PIK3R5: variants seen among roughly 807,000 people sequenced by gnomAD.
PIK3R5 encodes phosphoinositide-3-kinase regulatory subunit 5.
In PIK3R5, 32 loss-of-function variants were observed where a neutral mutation model predicts 94.9. The ratio of observed to expected loss-of-function variants is 0.34; its 90% CI spans 0.25 to 0.45. PIK3R5 has a LOEUF of 0.45. Ranked by LOEUF, PIK3R5 falls within the 20% of genes least tolerant of loss-of-function variation. The probability of loss-of-function intolerance (pLI) is 1.00; values close to 1 mark genes in which losing one functional copy is unlikely to be tolerated. For synonymous variants in PIK3R5, 443 were observed against 479.4 expected (o/e 0.92, Z 0.99); for missense variants, 853 against 1,144.6 (o/e 0.75, Z 3.68).
At position 8,886,305 on chromosome 17, in the gene PIK3R5, C is replaced by T; in HGVS notation, c.2052G>A (p.Gly684=). ...GGATGAAGATCTCTGTCGTCTTCTC[C>T]CCAGTGATGAAGGTCAGCTGGAGAG... ...VYQTELTFIT[G]EKTTEIFIHS... Residue 684 remains glycine (G), a synonymous_variant, in exon 14 of 19, where the codon GGG becomes GGA. Coordinates refer to ENST00000447110, the MANE Select transcript of PIK3R5 (RefSeq NM_001142633.3). 6.2e-7 allele frequency: 1 copy of T among 1,613,540 alleles called. No homozygotes were observed.
intron 5 of PIK3R5, among the ~76,000 whole-genome samples, chr17:8,898,608 T>C (rs2090206941): frequency 6.6e-6 from 1 of 152,184 alleles, no homozygotes; most frequent in South Asian, 2.1e-4. Flanking sequence ...GGAATAATAG[T>C]AACTACCCAG....
intron 1 of PIK3R5, among the ~76,000 whole-genome samples, chr17:8,956,927 G>A (rs565180064): frequency 1.2e-4 from 18 of 152,326 alleles, no homozygotes; most frequent in African/African-American, 4.3e-4. Context: ...TCCCAGCAGA[G>A]GATGTGGGCG....
In PIK3R5 at chr17:8,880,683, G is replaced by A; in HGVS notation, c.2599C>T (p.Leu867Phe). Residue 867 changes from leucine to phenylalanine, a missense_variant, in exon 19 of 19, where the codon CTT (leucine) becomes TTT (phenylalanine). By Grantham distance (22) the Leu-to-Phe change is conservative (BLOSUM62 0). Transcript: ENST00000447110. ...PAQAAPDLCS[L>F]LCLPIMTFSG... ...AAAGTCATGATGGGCAGGCAGAGAA[G>A]GGAGCAGAGATCAGGTGCGGCCTGG... 1 of 1,613,678 alleles carries A rather than the reference G, an allele frequency of 6.2e-7. No individual in the cohort carries two copies.
At chr17:8,944,758 A>G (rs1412725235) in intron 1 of PIK3R5, among the ~76,000 whole-genome samples, 1 of 152,148 alleles carries the variant, frequency 6.6e-6, no homozygotes, top group Non-Finnish European at 1.5e-5. Flanking sequence ...GGAGCTGGAG[A>G]GTTCCTCAGC....
chr17:8,904,802 G>A lies in PIK3R5; in HGVS notation c.387C>T (p.Phe129=). The change falls in exon 5 of 19, where the codon TTC becomes TTT. Residue 129 remains phenylalanine, a synonymous_variant. Transcript: ENST00000447110. This position sits in a 1 kb window ranked among gnomAD's most constrained non-coding sequence, Gnocchi z 5.1. ...CTGGGGCCTTGAGTTCAGCATCAAT[G>A]AAGGTGAGCAGCTCCTGGCAGATGC... The part of the protein sequence containing the change: ...YCSICQELLT[F]IDAELKAPGI... 6.2e-7 allele frequency: 1 copy of A among 1,614,202 alleles called. No individual in the cohort carries two copies.
At chr17:8,933,296 C>T (rs1433787078) in intron 1 of PIK3R5, among the ~76,000 whole-genome samples, 1 of 151,874 alleles carries the variant, frequency 6.6e-6, no homozygotes, top group African/African-American at 2.4e-5. Flanking sequence ...GTAAATTTTT[C>T]ATGAAAAGAA....
At chr17:8,934,297 G>A (rs181566171) in intron 1 of PIK3R5, among the ~76,000 whole-genome samples, 1 of 152,308 alleles carries the variant, frequency 6.6e-6, no homozygotes, top group African/African-American at 2.4e-5. Context: ...CAATTTGAAA[G>A]TGAAGTTTTT....
chr17:8,925,763 G>T lies in PIK3R5; in HGVS notation c.-13-14256C>A, dbSNP rs1363141835. ...TACATTTTGGTCCCCAAGTGGGTGT[G>T]CACTTTTTCCTTGGATGCTTCATCC... is the stretch of plus-strand genomic sequence containing the variant. On this transcript the variant is annotated intron_variant, in intron 1 of 18. Coordinates refer to ENST00000447110, the MANE Select transcript of PIK3R5 (RefSeq NM_001142633.3). This position sits in a 1 kb window ranked among gnomAD's most constrained non-coding sequence, Gnocchi z 5.1. Among the ~76,000 whole-genome samples, 1 of 152,268 alleles carries T rather than the reference G, an allele frequency of 6.6e-6. No individual in the cohort carries two copies. The highest frequency in any genetic ancestry group is 1.5e-5 in the Non-Finnish European group (1 of 68,040).
At chr17:8,948,021 C>A (rs1393138585) in intron 1 of PIK3R5, among the ~76,000 whole-genome samples, 32 of 118,040 alleles carry the variant, frequency 2.7e-4, no homozygotes, top group Non-Finnish European at 5.2e-4. Context: ...CCAGCCTGGG[C>A]GACAGAGCGA....
At chr17:8,908,610 C>T (rs960354159) in intron 3 of PIK3R5, among the ~76,000 whole-genome samples, 10 of 150,462 alleles carry the variant, frequency 6.6e-5, no homozygotes, top group Admixed American at 2.0e-4. Flanking sequence ...GAGCCCAAAT[C>T]CTCTTTTGGG....
In PIK3R5 at chr17:8,889,119, C is replaced by T. The variant is rs1183588128; in HGVS notation, c.895+20G>A. ...CAGGCAGTGTGGGGCATGGGTGTCA[C>T]CAGGGCCCCGGCTCCTTACCAAAGC... On this transcript the variant is annotated intron_variant, in intron 9 of 18. Coordinates refer to ENST00000447110, the MANE Select transcript of PIK3R5 (RefSeq NM_001142633.3). The surrounding 1 kb of genome is among the most constrained non-coding windows in gnomAD (Gnocchi z 4.1). 1 of 1,609,268 alleles carries T rather than the reference C, an allele frequency of 6.2e-7. No individual in the cohort carries two copies. The highest frequency in any genetic ancestry group is 1.7e-4 in the Middle Eastern group (1 of 5,832).
intron 1 of PIK3R5, among the ~76,000 whole-genome samples, chr17:8,962,306 G>A (rs1298179851): frequency 6.6e-6 from 1 of 152,174 alleles, no homozygotes; most frequent in African/African-American, 2.4e-5. Context: ...GAAAGAGAAC[G>A]AAGCATGAAT....
At chr17:8,905,069 G>C (rs901088681) in intron 4 of PIK3R5, among the ~76,000 whole-genome samples, 154 bp from the exon 5 acceptor site, 1 of 152,216 alleles carries the variant, frequency 6.6e-6, no homozygotes, top group Non-Finnish European at 1.5e-5. Flanking sequence ...GGAACTGGAA[G>C]TTACTCACAG....
In PIK3R5 at chr17:8,893,513, A is replaced by T. The variant is rs1407192420; in HGVS notation, c.482+73T>A. 4 of 1,166,608 alleles carry T rather than the reference A, an allele frequency of 3.4e-6. No individual in the cohort carries two copies. The highest frequency in any genetic ancestry group is 3.8e-6 in the Non-Finnish European group (3 of 779,316). The allele number at this position is 1,166,608 out of a possible 1,614,324, so 72.3% of individuals were successfully genotyped here. ...GCACTGGATGTTTGAGTGGGGGAGG[A>T]GGGTGAAGGTGGAACAGTGCAGGGG... On this transcript the variant is annotated intron_variant, in intron 6 of 18. Coordinates refer to ENST00000447110, the MANE Select transcript of PIK3R5 (RefSeq NM_001142633.3). This position sits in a 1 kb window ranked among gnomAD's most constrained non-coding sequence, Gnocchi z 5.1.
At chr17:8,926,953 A>T (rs1393285725) in intron 1 of PIK3R5, among the ~76,000 whole-genome samples, 1 of 152,170 alleles carries the variant, frequency 6.6e-6, no homozygotes, top group African/African-American at 2.4e-5. Flanking sequence ...TAAGTGGAGT[A>T]GATATGCTTT....
At position 8,884,738 on chromosome 17, in the gene PIK3R5, A is replaced by G; in HGVS notation, c.2174T>C (p.Val725Ala). Residue 725 changes from valine (V) to alanine (A), a missense_variant, in exon 15 of 19, where the codon GTT (valine) becomes GCT (alanine). Transcript: ENST00000447110. The surrounding 1 kb of genome is among the most constrained non-coding windows in gnomAD (Gnocchi z 5.8). ...RLGIDGDREAVPLTLQIIYSK... is the reference protein window; with the variant it reads ...RLGIDGDREAAPLTLQIIYSK... The stretch of plus-strand genomic sequence containing the variant: ...GTAAATAATCTGTAGTGTTAGAGGA[A>G]CAGCCTCCCGGTCGCCATCGATGCC... The G allele has an allele frequency of 8.1e-6, 13 of 1,613,350 alleles. No individual in the cohort carries two copies. The highest frequency in any genetic ancestry group is 1.1e-5 in the Non-Finnish European group (13 of 1,179,556).
At chr17:8,895,510 A>G (rs927407598) in intron 5 of PIK3R5, among the ~76,000 whole-genome samples, 1 of 152,120 alleles carries the variant, frequency 6.6e-6, no homozygotes, top group African/African-American at 2.4e-5. Context: ...AAGCTTGGCA[A>G]CATTTTCCCC....
Position 8,923,462 on chromosome 17 carries a change from G to A in PIK3R5, c.-13-11955C>T, listed in dbSNP as rs144926756. 5.0e-3 allele frequency among the ~76,000 whole-genome samples: 759 copies of A among 152,288 alleles called. 7 individuals are homozygous for A. Among genetic ancestry groups the A allele is most frequent in the African/African-American group, 0.016 (680 of 41,542 alleles). ...CCCATTTTACAGATGAGGAGACTGCGGTACAGAGTATTCTCTCAGCTGGTA... is the reference window on the plus strand; with the variant it reads ...CCCATTTTACAGATGAGGAGACTGCAGTACAGAGTATTCTCTCAGCTGGTA... On this transcript the variant is annotated intron_variant, in intron 1 of 18. Coordinates refer to ENST00000447110, the MANE Select transcript of PIK3R5 (RefSeq NM_001142633.3).
chr17:8,911,391 C>A lies in PIK3R5; in HGVS notation c.103+1G>T, dbSNP rs1298358259. ...CACCTCCCCGGCTCCCTTGGACCGA[C>A]CTGACCAGGAGGTGGAGCGGCGGCT... On this transcript the variant is annotated splice_donor_variant, in intron 2 of 18. Coordinates refer to ENST00000447110, the MANE Select transcript of PIK3R5 (RefSeq NM_001142633.3). LOFTEE classifies it high-confidence loss of function. This position sits in a 1 kb window ranked among gnomAD's most constrained non-coding sequence, Gnocchi z 5.3. The A allele has an allele frequency of 6.3e-7, 1 of 1,599,346 alleles. No individual in the cohort carries two copies.
Sources: gnomAD v4.1 joint callset for allele counts (sites outside exome capture counted in the v4.1 genomes callset) on GRCh38, gnomAD v4.1.1 for gene constraint, Gnocchi (gnomAD v3.1) non-coding constraint, MANE v1.5 for transcripts, NCBI Gene and HGNC (gene_info 2026-07-23, HGNC 2026-07-21) for gene names.